The following CCDC62 variants were observed in gnomAD, a reference collection of about 807,000 sequenced individuals.
CCDC62 encodes the protein coiled-coil domain-containing protein 62.
Under a neutral mutation model 80.8 loss-of-function variants are expected in CCDC62, and 72 were observed. The ratio of observed to expected loss-of-function variants is 0.89; its 90% CI spans 0.74 to 1.08. The LOEUF (loss-of-function observed/expected upper bound fraction) is 1.08. Among genes scored for constraint, CCDC62 ranks in the 50% least tolerant of loss-of-function variants. The probability of loss-of-function intolerance (pLI) is 0.00; values close to 1 mark genes in which losing one functional copy is unlikely to be tolerated. For missense variants in CCDC62, 704 were observed against 809.4 expected (o/e 0.87, Z 1.58); for synonymous variants, 286 against 296.5 (o/e 0.96, Z 0.36).
At chr12:122,817,306 C>T (rs568622693) in intron 11 of CCDC62, among the ~76,000 whole-genome samples, 10 of 151,570 alleles carry the variant, frequency 6.6e-5, no homozygotes, top group East Asian at 3.9e-4. Flanking sequence ...GTGATCCACC[C>T]GCCTCGGCCT....
chr12:122,801,196 GTC>G lies in CCDC62; in HGVS notation c.1051_1052del (p.Ser351ThrfsTer3). 6.2e-7 allele frequency: 1 copy of G among 1,613,976 alleles called. No individual in the cohort carries two copies. Among genetic ancestry groups the G allele is most frequent in the Admixed American group, 1.7e-5 (1 of 59,972 alleles). ...ATATTAAGAGGGAAAAAAATCAGAA[GTC>G]ACTGTTTAAGGACCAGAAATTTGAA... The part of the protein sequence containing the change: ...VDIKREKNQK[S>X]LFKDQKFEAM... On this transcript the variant is annotated frameshift_variant, in exon 9 of 13. Transcript: ENST00000253079. LOFTEE classifies it high-confidence loss of function.
intron 10 of CCDC62, among the ~76,000 whole-genome samples, chr12:122,812,781 AAG>A (rs1491498580): frequency 1.2e-5 from 1 of 83,074 alleles, no homozygotes; most frequent in African/African-American, 7.3e-5. Context: ...GAGAGAGAGA[AAG>A]AAAGAAAGAA....
chr12:122,825,936 T>A (rs2032608895), intron 12 of CCDC62, among the ~76,000 whole-genome samples: 1 of 140,626 alleles, frequency 7.1e-6, no homozygotes, highest in South Asian at 2.2e-4. Context: ...GTGGTTGCAA[T>A]GAGTGGAGAT....
chr12:122,798,191 T>G lies in CCDC62; in HGVS notation c.968T>G (p.Leu323Arg). Residue 323 changes from leucine to arginine, a missense_variant, in exon 8 of 13, where the codon CTG becomes CGG. Physicochemically the swap from Leu to Arg is moderately radical, Grantham distance 102 (BLOSUM62 -2). Coordinates refer to ENST00000253079, the MANE Select transcript of CCDC62 (RefSeq NM_201435.5). ...TCAAAGATGGAGGAATCAAAGGCTC[T>G]GGACTCCAGGTAATCTTAGCAAGAT... is the stretch of plus-strand genomic sequence containing the variant. The part of the protein sequence containing the change: ...YDSKMEESKA[L>R]DSSRDMCLSD... The G allele has an allele frequency of 6.8e-7, 1 of 1,480,116 alleles. No homozygotes were observed. The highest frequency in any genetic ancestry group is 9.4e-7 in the Non-Finnish European group (1 of 1,059,564). 91.7% of individuals were successfully genotyped at this position (1,480,116 alleles called of 1,614,324 possible). A position where few individuals can be genotyped will look rare whatever the true frequency, so the allele number is the denominator to read the frequency against.
At chr12:122,798,767 G>C (rs986889616) in intron 8 of CCDC62, among the ~76,000 whole-genome samples, 1 of 151,510 alleles carries the variant, frequency 6.6e-6, no homozygotes, top group Non-Finnish European at 1.5e-5. Context: ...CGTGACAAGA[G>C]CCAAACTCCG....
intron 10 of CCDC62, among the ~76,000 whole-genome samples, chr12:122,809,521 C>T (rs1189447336): frequency 6.6e-6 from 1 of 151,922 alleles, no homozygotes; most frequent in Non-Finnish European, 1.5e-5. Flanking sequence ...CGTGGTGGCT[C>T]ATGCCTGTAA....
intron 9 of CCDC62, among the ~76,000 whole-genome samples, chr12:122,802,151 A>G (rs1037404425): frequency 1.2e-4 from 19 of 152,180 alleles, no homozygotes; most frequent in African/African-American, 4.6e-4. Context: ...TGCTTTATTA[A>G]AAAGCAAACG....
Position 122,827,480 on chromosome 12 carries a change from G to A in CCDC62, c.*1099G>A, listed in dbSNP as rs181542027. 3 of 152,294 alleles carry A rather than the reference G, an allele frequency of 2.0e-5. No homozygotes were observed. The East Asian group carries it at 5.8e-4, about 29-fold the overall frequency. 9.4% of individuals were successfully genotyped at this position (152,294 alleles called of 1,614,324 possible). A position where few individuals can be genotyped will look rare whatever the true frequency, so the allele number is the denominator to read the frequency against. ...GTGCTGAAAAGAGAAGTTGGGTGAG[G>A]TTTGGTTATGTTCTTTATCAATGCG... On this transcript the variant is annotated 3_prime_UTR_variant, in exon 13 of 13. Transcript: ENST00000253079.
chr12:122,816,953 T>C (rs924590889), intron 11 of CCDC62, among the ~76,000 whole-genome samples: 25 of 152,198 alleles, frequency 1.6e-4, no homozygotes, highest in Admixed American at 1.4e-3. Flanking sequence ...GGACAGATAA[T>C]TTTAATCAGA....
intron 11 of CCDC62, among the ~76,000 whole-genome samples, chr12:122,816,930 C>T (rs1258170724): frequency 1.3e-5 from 2 of 151,988 alleles, no homozygotes; most frequent in African/African-American, 2.4e-5. Context: ...CTTTCTGTCT[C>T]TATGGATTTG....
chr12:122,822,132 G>A (rs1446754464), intron 11 of CCDC62, among the ~76,000 whole-genome samples: 3 of 122,326 alleles, frequency 2.5e-5, no homozygotes, highest in Non-Finnish European at 5.0e-5. Flanking sequence ...GAGACAGAAT[G>A]TCACTCTTGT....
At chr12:122,821,956 C>G (rs899035924) in intron 11 of CCDC62, among the ~76,000 whole-genome samples, 2 of 151,254 alleles carry the variant, frequency 1.3e-5, no homozygotes, top group Non-Finnish European at 2.9e-5. Context: ...TGGCTGGGCA[C>G]AATGGCTCAC....
Position 122,777,634 on chromosome 12 carries a change from G to A in CCDC62, c.180G>A (p.Glu60=). The change falls in exon 2 of 13, where the codon GAG becomes GAA. Residue 60 remains glutamate (E), a synonymous_variant. Transcript: ENST00000253079. The part of the protein sequence containing the change: ...VHQQQLLSWE[E]DRQKVLTLEE... ...AGCAACAGCTTCTTTCATGGGAAGAGGATCGGCAGAAAGTGTTGACACTGG... is the reference window on the plus strand; with the variant it reads ...AGCAACAGCTTCTTTCATGGGAAGAAGATCGGCAGAAAGTGTTGACACTGG... 6.2e-7 allele frequency: 1 copy of A among 1,614,156 alleles called. No homozygotes were observed. Among genetic ancestry groups the A allele is most frequent in the East Asian group, 2.2e-5 (1 of 44,884 alleles).
At chr12:122,815,294 G>T (rs911660257) in intron 11 of CCDC62, among the ~76,000 whole-genome samples, 5 of 149,696 alleles carry the variant, frequency 3.3e-5, no homozygotes, top group Non-Finnish European at 5.9e-5. Flanking sequence ...GCCCAGGCTG[G>T]TCTCAAACTC....
chr12:122,823,688 T>G (rs1434185341), intron 12 of CCDC62, among the ~76,000 whole-genome samples: 1 of 147,250 alleles, frequency 6.8e-6, no homozygotes, highest in African/African-American at 2.5e-5. Flanking sequence ...GGGAACACAG[T>G]GAGACCTTGT....
intron 12 of CCDC62, 111 bp from the exon 13 acceptor site, chr12:122,826,311 T>C (rs1207477005): frequency 4.8e-6 from 3 of 621,042 alleles, no homozygotes; most frequent in Non-Finnish European, 5.8e-6. Context: ...CTGATGTTGA[T>C]GAAAATCAGG....
Position 122,801,705 on chromosome 12 carries a change from A to C in CCDC62, c.1559A>C (p.Asn520Thr). 1 of 1,614,180 alleles carries C rather than the reference A, an allele frequency of 6.2e-7. No homozygotes were observed. The highest frequency in any genetic ancestry group is 8.5e-7 in the Non-Finnish European group (1 of 1,180,038). The change falls in exon 9 of 13, where the codon AAC (asparagine) becomes ACC (threonine). Residue 520 changes from asparagine (N) to threonine (T), a missense_variant. By Grantham distance (65) the Asn-to-Thr change is moderately conservative (BLOSUM62 0). Coordinates refer to ENST00000253079, the MANE Select transcript of CCDC62 (RefSeq NM_201435.5). ...GACTCCAAGTGCTGCCACCCGAGTAACTTCATAATTGAAGCCCCAGGCCAC... is the reference window on the plus strand; with the variant it reads ...GACTCCAAGTGCTGCCACCCGAGTACCTTCATAATTGAAGCCCCAGGCCAC... ...MCDSKCCHPS[N>T]FIIEAPGHMS...
rs1193960227 is a variant in CCDC62, at chr12:122,813,408, A to C, written c.1990A>C (p.Ser664Arg). The change falls in exon 11 of 13, where the codon AGT becomes CGT. Residue 664 changes from serine (S) to arginine (R), a missense_variant. Ser to Arg is a moderately radical substitution (Grantham distance 110). Coordinates refer to ENST00000253079, the MANE Select transcript of CCDC62 (RefSeq NM_201435.5). ...CATCAGCCATGAGAATCTCACTGGC[A>C]GTGCCACAAATGTATGCGTTTCATT... ...LPISHENLTG[S>R]ATNKSEVPEE... is the part of the protein sequence containing the mutation. 6.2e-7 allele frequency: 1 copy of C among 1,612,468 alleles called. No homozygotes were observed. Among genetic ancestry groups the C allele is most frequent in the Non-Finnish European group, 8.5e-7 (1 of 1,179,586 alleles).
intron 3 of CCDC62, among the ~76,000 whole-genome samples, chr12:122,783,232 T>C (rs2029978280): frequency 6.6e-6 from 1 of 151,136 alleles, no homozygotes; most frequent in Admixed American, 6.6e-5. Context: ...TCATTCTTTT[T>C]TTTTTTTTTT....
Sources: allele counts gnomAD v4.1 joint callset (sites outside exome capture counted in the v4.1 genomes callset), GRCh38; gene constraint gnomAD v4.1.1; transcripts MANE v1.5; gene names NCBI Gene and HGNC (gene_info 2026-07-23, HGNC 2026-07-21).